Variants in TBXAS1 observed in about 807,000 individuals in gnomAD.
TBXAS1 encodes thromboxane-A synthase.
Under a neutral mutation model 60.7 loss-of-function variants are expected in TBXAS1, and 48 were observed. That is an observed-to-expected ratio of 0.79 (90% CI 0.63 to 1.01). The LOEUF is 1.01. Among genes scored for constraint, TBXAS1 ranks in the 50% least tolerant of loss-of-function variants. The pLI, the probability that TBXAS1 is intolerant of heterozygous loss-of-function variation, is 0.00. For missense variants in TBXAS1, 685 were observed against 686.3 expected, an observed-to-expected ratio of 1.00 and a Z score of 0.02; for synonymous variants, 287 against 269.7, an observed-to-expected ratio of 1.06 and a Z score of -0.63.
intron 3 of TBXAS1, among the ~76,000 whole-genome samples, chr7:139,876,250 T>C (rs938213751): frequency 2.6e-5 from 4 of 152,218 alleles, no homozygotes; most frequent in Non-Finnish European, 5.9e-5. Flanking sequence ...CCCTTCTCTT[T>C]ATTTTCTGAA....
intron 1 of TBXAS1, among the ~76,000 whole-genome samples, chr7:139,835,549 C>A (rs186919385): frequency 2.0e-3 from 304 of 152,256 alleles, no homozygotes; most frequent in African/African-American, 6.9e-3. Context: ...ATAATAGATG[C>A]AGAAAAAGCA....
intron 9 of TBXAS1, chr7:139,963,109 C>T (rs1425888519): frequency 6.6e-6 from 1 of 152,214 alleles, no homozygotes; most frequent in East Asian, 1.9e-4. Context: ...AAGTCAATGT[C>T]TCTTCTTCAC....
intron 5 of TBXAS1, among the ~76,000 whole-genome samples, chr7:139,942,402 C>A (rs373328371): frequency 6.6e-6 from 1 of 152,188 alleles, no homozygotes; most frequent in African/African-American, 2.4e-5. Context: ...TGGTTGGCTA[C>A]TGAGAGAAAT....
At chr7:139,879,832 TTG>T (rs57176056) in intron 3 of TBXAS1, among the ~76,000 whole-genome samples, 16,972 of 140,254 alleles carry the variant, frequency 0.12, 997 homozygotes, top group Non-Finnish European at 0.14. Flanking sequence ...TTATCTCATT[TTG>T]TGTGTGTGTG....
At chr7:139,862,823 A>G (rs1801065885) in intron 1 of TBXAS1, among the ~76,000 whole-genome samples, 1 of 152,212 alleles carries the variant, frequency 6.6e-6, no homozygotes, top group African/African-American at 2.4e-5. Flanking sequence ...ATATGTTATT[A>G]ATACACTTTT....
chr7:139,933,970 A>C (rs1161131280), intron 4 of TBXAS1, among the ~76,000 whole-genome samples: 21 of 152,170 alleles, frequency 1.4e-4, no homozygotes, highest in Admixed American at 1.4e-3. Context: ...AGAAGGGATG[A>C]GGAGACCAAA....
At chr7:139,991,746 C>G (rs1365761040) in intron 9 of TBXAS1, among the ~76,000 whole-genome samples, 1 of 152,110 alleles carries the variant, frequency 6.6e-6, no homozygotes, top group African/African-American at 2.4e-5. Flanking sequence ...GGGGTTTTGT[C>G]CCACATTAGA....
intron 3 of TBXAS1, among the ~76,000 whole-genome samples, chr7:139,892,828 G>A (rs193264551): frequency 1.3e-5 from 2 of 152,018 alleles, no homozygotes; most frequent in Admixed American, 6.5e-5. Flanking sequence ...TCACCAGCTC[G>A]GGGTGAGCTT....
intron 5 of TBXAS1, among the ~76,000 whole-genome samples, chr7:139,947,745 G>A (rs1808852625): frequency 6.6e-6 from 1 of 152,158 alleles, no homozygotes; most frequent in South Asian, 2.1e-4. Context: ...GACAACCAAT[G>A]TGAGAGGCGA....
chr7:139,888,085 G>T (rs987894485), intron 3 of TBXAS1, among the ~76,000 whole-genome samples: 2 of 152,080 alleles, frequency 1.3e-5, no homozygotes, highest in Non-Finnish European at 2.9e-5. Context: ...CTTCCTTTTG[G>T]CTAGGCCAGT....
chr7:140,006,005 A>C (rs1814048789), intron 9 of TBXAS1, among the ~76,000 whole-genome samples: 1 of 152,202 alleles, frequency 6.6e-6, no homozygotes, highest in South Asian at 2.1e-4. Context: ...AGGGCTGTGA[A>C]GGGCTCCCCC....
intron 9 of TBXAS1, among the ~76,000 whole-genome samples, chr7:139,990,718 ACT>A: frequency 1.2e-5 from 1 of 80,826 alleles, no homozygotes; most frequent in East Asian, 3.5e-4. Context: ...CCCCACTACC[ACT>A]CTCATCTGGT....
At chr7:139,992,128 G>A (rs1408273094) in intron 9 of TBXAS1, among the ~76,000 whole-genome samples, 1 of 152,210 alleles carries the variant, frequency 6.6e-6, no homozygotes, top group East Asian at 1.9e-4. Context: ...CCCTTGAGAG[G>A]CTTGGTGGGG....
Position 139,957,650 on chromosome 7 carries a change from A to C in TBXAS1, c.705A>C (p.Ile235=). ...ILVLLLSFPS[I]MVPLARILPN... ...TCTTTCAAGTATCATTTCCATCCATAATGGTCCCACTGGCCCGGATTTTGC... is the reference window on the plus strand; with the variant it reads ...TCTTTCAAGTATCATTTCCATCCATCATGGTCCCACTGGCCCGGATTTTGC... Residue 235 remains isoleucine (I), a synonymous_variant, in exon 8 of 13, where the codon ATA becomes ATC. Coordinates refer to ENST00000448866, the MANE Select transcript of TBXAS1 (RefSeq NM_001061.7). 6.2e-7 allele frequency: 1 copy of C among 1,614,064 alleles called. No individual in the cohort carries two copies. The highest frequency in any genetic ancestry group is 8.5e-7 in the Non-Finnish European group (1 of 1,180,016).
chr7:139,814,034 C>T (rs1456407211), intron 4 of TBXAS1, among the ~76,000 whole-genome samples: 2 of 152,194 alleles, frequency 1.3e-5, no homozygotes, highest in Non-Finnish European at 2.9e-5. Context: ...CTTCCCCCAG[C>T]ACGGCCTTTG....
intron 3 of TBXAS1, among the ~76,000 whole-genome samples, chr7:139,877,193 T>C (rs1584745283): frequency 6.6e-6 from 1 of 152,310 alleles, no homozygotes; most frequent in South Asian, 2.1e-4. Flanking sequence ...ACTCCTCGGA[T>C]GGACGAGCGG....
At chr7:139,982,448 A>G (rs1412324042) in intron 9 of TBXAS1, among the ~76,000 whole-genome samples, 1 of 152,224 alleles carries the variant, frequency 6.6e-6, no homozygotes, top group East Asian at 1.9e-4. Flanking sequence ...GTGCCAGTGC[A>G]AAGGGGGAAA....
upstream of TBXAS1, among the ~76,000 whole-genome samples, chr7:139,825,576 A>G (rs572008905): frequency 2.6e-5 from 4 of 152,332 alleles, no homozygotes; most frequent in East Asian, 7.7e-4. Flanking sequence ...CCAACATTCT[A>G]TAGCCTCTCC....
chr7:139,962,634 G>A, intron 9 of TBXAS1: 1 of 287,938 alleles, frequency 3.5e-6, no homozygotes, highest in Non-Finnish European at 6.7e-6. Context: ...AAGATAGAAG[G>A]CAGGAGTGGA....
Sources: gnomAD v4.1 joint callset for allele counts (sites outside exome capture counted in the v4.1 genomes callset) on GRCh38, gnomAD v4.1.1 for gene constraint, MANE v1.5 for transcripts, NCBI Gene and HGNC (gene_info 2026-07-23, HGNC 2026-07-21) for gene names.